TAF4B: variants seen among roughly 807,000 people sequenced by gnomAD.
TAF4B encodes the protein transcription initiation factor TFIID subunit 4B.
In TAF4B, 38 loss-of-function variants were observed where a neutral mutation model predicts 86.4. That is an observed-to-expected ratio of 0.44 (90% CI 0.34 to 0.58). The LOEUF (loss-of-function observed/expected upper bound fraction) is 0.58. Ranked by LOEUF, TAF4B falls within the 20% of genes least tolerant of loss-of-function variation. The pLI is 0.02. For missense variants in TAF4B, 988 were observed against 1,027.6 expected, an observed-to-expected ratio of 0.96 and a Z score of 0.53; for synonymous variants, 388 against 391.2, an observed-to-expected ratio of 0.99 and a Z score of 0.10.
chr18:26,321,541 C>T (rs1172918201), intron 11 of TAF4B, among the ~76,000 whole-genome samples: 4 of 80,608 alleles, frequency 5.0e-5, no homozygotes, highest in African/African-American at 1.5e-4. Flanking sequence ...TCCTCGCATT[C>T]CTGTTCCTTT....
chr18:26,285,210 C>CTTTTTTTTTTTTTTTTTTTT (rs113394710), intron 6 of TAF4B, among the ~76,000 whole-genome samples: 5 of 42,542 alleles, frequency 1.2e-4, no homozygotes, highest in African/African-American at 1.6e-4. Context: ...TCTTCCTTTC[C>CTTTTTTTTTTTTTTTTTTTT]TTTTTTTTTT....
Position 26,266,554 on chromosome 18 carries a change from T to G in TAF4B, c.490-962T>G, listed in dbSNP as rs114729891. On this transcript the variant is annotated intron_variant, in intron 2 of 14. Coordinates refer to ENST00000269142, the MANE Select transcript of TAF4B (RefSeq NM_005640.3). Reference sequence around the variant, plus strand: ...CTAGATAACTGAAGCTTACCTTGTTTGATAGAGTTAAAAATATTTTTGTGG... The same window carrying G: ...CTAGATAACTGAAGCTTACCTTGTTGGATAGAGTTAAAAATATTTTTGTGG... Among the ~76,000 whole-genome samples, 1,467 of 152,252 alleles carry G rather than the reference T, an allele frequency of 9.6e-3. 11 individuals carry two copies. The highest frequency in any genetic ancestry group is 0.033 in the African/African-American group (1,362 of 41,560).
At chr18:26,279,867 C>T (rs1483798361) in intron 5 of TAF4B, among the ~76,000 whole-genome samples, 1 of 152,040 alleles carries the variant, frequency 6.6e-6, no homozygotes, top group Non-Finnish European at 1.5e-5. Context: ...CATGGCGAAA[C>T]CCCATCTCTA....
chr18:26,294,053 A>T (rs189149264), intron 9 of TAF4B, among the ~76,000 whole-genome samples: 1 of 152,068 alleles, frequency 6.6e-6, no homozygotes, highest in Non-Finnish European at 1.5e-5. Flanking sequence ...ATTGATGGAC[A>T]TTTGGGTGGT....
chr18:26,236,376 G>A (rs1162264438), intron 1 of TAF4B, among the ~76,000 whole-genome samples: 2 of 152,164 alleles, frequency 1.3e-5, no homozygotes, highest in Non-Finnish European at 2.9e-5. Flanking sequence ...TGGTGACCAG[G>A]AGGAAGTCAA....
Position 26,265,298 on chromosome 18 carries a change from A to C in TAF4B, c.472A>C (p.Lys158Gln). The change falls in exon 2 of 15, where the codon AAA (lysine) becomes CAA (glutamine). Residue 158 changes from lysine (K) to glutamine (Q), a missense_variant. Lys to Gln is a moderately conservative substitution (Grantham distance 53). Around this residue, in one of 3 missense-constraint regions of TAF4B, gnomAD observed 747 missense variants for 737.9 expected, o/e 1.01. Transcript: ENST00000269142. ...AGTACCAGCGAATCCTCAAACAGTC[A>C]AAATCTGTACAGTGCCGGTAATATA... is the stretch of plus-strand genomic sequence containing the variant. ...PAVPANPQTV[K>Q]ICTVPNSSSQ... is the part of the protein sequence containing the mutation. 1 of 1,612,992 alleles carries C rather than the reference A, an allele frequency of 6.2e-7. No individual in the cohort carries two copies. Among genetic ancestry groups the C allele is most frequent in the Non-Finnish European group, 8.5e-7 (1 of 1,179,788 alleles).
chr18:26,237,908 G>A (rs1018384600), intron 1 of TAF4B, among the ~76,000 whole-genome samples: 1 of 152,100 alleles, frequency 6.6e-6, no homozygotes, highest in African/African-American at 2.4e-5. Flanking sequence ...GCCTGTTGAT[G>A]CCTGAGCGTT....
intron 1 of TAF4B, among the ~76,000 whole-genome samples, chr18:26,261,302 G>A (rs539667449): frequency 0.043 from 6,302 of 145,586 alleles, 233 homozygotes; most frequent in Non-Finnish European, 0.06. Context: ...CCGGGTTCAC[G>A]CCATTCTCCT....
intron 12 of TAF4B, among the ~76,000 whole-genome samples, chr18:26,328,338 A>G (rs2057022708): frequency 6.6e-6 from 1 of 151,918 alleles, no homozygotes; most frequent in African/African-American, 2.4e-5. Flanking sequence ...AGTCTCAGCT[A>G]CTCAGGAGGC....
At chr18:26,256,079 T>G in intron 1 of TAF4B, 1 of 1,423,394 alleles carries the variant, frequency 7.0e-7, no homozygotes, top group Admixed American at 1.7e-5. Flanking sequence ...AGTCACTTTC[T>G]TTGGTTTCAA....
At chr18:26,310,835 AT>A (rs565890912) in intron 9 of TAF4B, among the ~76,000 whole-genome samples, 14 of 149,298 alleles carry the variant, frequency 9.4e-5, no homozygotes, top group African/African-American at 2.2e-4. Flanking sequence ...TAAGTATAGT[AT>A]TTTTTTTTTC....
rs539960784 is a variant in TAF4B, at chr18:26,352,189, T to A, written c.2317-5501T>A. On this transcript the variant is annotated intron_variant, in intron 13 of 14. Coordinates refer to ENST00000269142, the MANE Select transcript of TAF4B (RefSeq NM_005640.3). ...CTAATCATAATTATTACATGAAGTG[T>A]AAATGATTCAAATATACCATTTCAA... is the stretch of plus-strand genomic sequence containing the variant. Among the ~76,000 whole-genome samples the A allele has an allele frequency of 2.2e-3, 342 of 152,134 alleles. 3 individuals carry two copies. The highest frequency in any genetic ancestry group is 3.9e-3 in the Non-Finnish European group (263 of 67,972).
At chr18:26,265,363 A>C in intron 2 of TAF4B, 48 bp downstream of exon 2, 1 of 1,540,186 alleles carries the variant, frequency 6.5e-7, no homozygotes, top group Non-Finnish European at 8.7e-7. Context: ...CTCAGCTATA[A>C]TTTTCATATA....
chr18:26,259,586 A>G lies in TAF4B; in HGVS notation c.344-5584A>G, dbSNP rs186615223. On this transcript the variant is annotated intron_variant, in intron 1 of 14. Coordinates refer to ENST00000269142, the MANE Select transcript of TAF4B (RefSeq NM_005640.3). ...GCTGAGAATGATGGTTTCCAGCTTC[A>G]TCCATGTCCCTACAAAGGACATGAG... Among the ~76,000 whole-genome samples, 653 of 152,286 alleles carry G rather than the reference A, an allele frequency of 4.3e-3. 3 individuals carry two copies. The highest frequency in any genetic ancestry group is 0.015 in the African/African-American group (623 of 41,558).
intron 1 of TAF4B, among the ~76,000 whole-genome samples, chr18:26,259,281 TTTC>T (rs1173188785): frequency 1.3e-5 from 2 of 152,006 alleles, no homozygotes; most frequent in Non-Finnish European, 2.9e-5. Context: ...TCTGTTTATT[TTTC>T]TTCTTTTTTT....
chr18:26,263,826 G>C (rs2056202587), intron 1 of TAF4B, among the ~76,000 whole-genome samples: 1 of 152,138 alleles, frequency 6.6e-6, no homozygotes, highest in South Asian at 2.1e-4. Context: ...CTGTCCTCCT[G>C]CCTCAGCAGT....
At chr18:26,337,880 C>T (rs945419545) in intron 13 of TAF4B, among the ~76,000 whole-genome samples, 3 of 152,162 alleles carry the variant, frequency 2.0e-5, no homozygotes, top group Non-Finnish European at 4.4e-5. Context: ...TTTGTTCACT[C>T]ATGAATTTTT....
At chr18:26,281,340 A>G (rs1456455862) in intron 5 of TAF4B, among the ~76,000 whole-genome samples, 1 of 152,098 alleles carries the variant, frequency 6.6e-6, no homozygotes, top group Non-Finnish European at 1.5e-5. Flanking sequence ...TGAAGAAAAA[A>G]CCAGATGTTC....
At chr18:26,291,027 A>T (rs376447383) in intron 7 of TAF4B, among the ~76,000 whole-genome samples, 18 of 152,178 alleles carry the variant, frequency 1.2e-4, no homozygotes, top group East Asian at 7.7e-4. Flanking sequence ...ATTCTAACTA[A>T]CATTTCTTCT....
Sources: gnomAD v4.1 joint callset for allele counts (sites outside exome capture counted in the v4.1 genomes callset) on GRCh38, gnomAD v4.1.1 for gene constraint, gnomAD v4.1.1 regional missense constraint, MANE v1.5 for transcripts, NCBI Gene and HGNC (gene_info 2026-07-23, HGNC 2026-07-21) for gene names.